The following ADGRV1 variants were observed in gnomAD, a reference collection of about 807,000 sequenced individuals.
The protein encoded by ADGRV1 is G-protein coupled receptor 98.
ADGRV1 carries 359 observed loss-of-function variants against 596.2 expected under a neutral mutation model. That is an observed-to-expected ratio of 0.60 (90% CI 0.55 to 0.66). The LOEUF (loss-of-function observed/expected upper bound fraction) is 0.66. Among genes scored for constraint, ADGRV1 ranks in the 30% least tolerant of loss-of-function variants. ADGRV1 has a pLI of 0.00. For missense variants in ADGRV1, 7,274 were observed against 7,575.6 expected, an observed-to-expected ratio of 0.96 and a Z score of 1.48; for synonymous variants, 2,681 against 2,679.2, an observed-to-expected ratio of 1.00 and a Z score of -0.02.
chr5:90,678,702 T>C (rs2149564302), intron 25 of ADGRV1, among the ~76,000 whole-genome samples: 1 of 150,042 alleles, frequency 6.7e-6, no homozygotes, highest in African/African-American at 2.5e-5. Context: ...CTGAACTTGC[T>C]TTTACAAGAA....
rs1746486392 is a variant in ADGRV1 at position 90,691,583 on chromosome 5, CA to C, written c.6951+543del. Among the ~76,000 whole-genome samples, 4 of 151,974 alleles carry C rather than the reference CA, an allele frequency of 2.6e-5. No homozygotes were observed. In the South Asian group the frequency reaches 8.3e-4, roughly 32 times the overall value. On this transcript the variant is annotated intron_variant, in intron 31 of 89. Coordinates refer to ENST00000405460, the MANE Select transcript of ADGRV1 (RefSeq NM_032119.4). ...TATTTTTAATAGAAACGGAGTTTCA[CA>C]GTGTTGGCTAGGCTGGTCTCGAACT...
intron 87 of ADGRV1, among the ~76,000 whole-genome samples, chr5:91,134,774 A>G (rs1202914245): frequency 6.6e-6 from 1 of 152,182 alleles, no homozygotes; most frequent in African/African-American, 2.4e-5. Flanking sequence ...ATTACAATCT[A>G]TATTAGACTA....
intron 57 of ADGRV1, among the ~76,000 whole-genome samples, chr5:90,758,229 C>T (rs888615462): frequency 4.0e-5 from 6 of 151,738 alleles, no homozygotes; most frequent in Admixed American, 6.6e-5. Context: ...GCTATTCCGG[C>T]GACTGAGGCA....
At chr5:90,946,459 T>A (rs533959833) in intron 83 of ADGRV1, among the ~76,000 whole-genome samples, 64 of 152,310 alleles carry the variant, frequency 4.2e-4, no homozygotes, top group Non-Finnish European at 3.1e-4. Flanking sequence ...GATTTTTTTT[T>A]AATTTAATTT....
intron 83 of ADGRV1, among the ~76,000 whole-genome samples, chr5:90,952,658 G>GT (rs1431388919): frequency 2.6e-5 from 4 of 152,138 alleles, no homozygotes; most frequent in Admixed American, 2.6e-4. Flanking sequence ...CAAATTTTCT[G>GT]TTTGGGACTT....
rs139849318 is a variant in ADGRV1, at chr5:90,567,542, T to C, written c.22+8625T>C. Among the ~76,000 whole-genome samples the C allele has an allele frequency of 6.0e-3, 910 of 152,236 alleles. 7 individuals carry two copies. The highest frequency in any genetic ancestry group is 9.5e-3 in the Non-Finnish European group (645 of 68,014). The stretch of plus-strand genomic sequence containing the variant: ...TTCTTTTTGAGTCAATTTTGGATGT[T>C]CGTATCTTCCTAGGGATTTGTTTAC... On this transcript the variant is annotated intron_variant, in intron 1 of 89. Transcript: ENST00000405460.
At chr5:91,081,005 A>C (rs1425774631) in intron 86 of ADGRV1, among the ~76,000 whole-genome samples, 2 of 152,130 alleles carry the variant, frequency 1.3e-5, no homozygotes, top group Non-Finnish European at 2.9e-5. Flanking sequence ...TCAGGCTGCC[A>C]TACAAAATAC....
At position 90,810,562 on chromosome 5, in the gene ADGRV1, G is replaced by A; in HGVS notation, c.15302G>A (p.Gly5101Glu). ...AACCTTACTTCAGTAGAAATTAGGGGATTACAAAAGTTTGATGTTAATTGG... is the reference window on the plus strand; with the variant it reads ...AACCTTACTTCAGTAGAAATTAGGGAATTACAAAAGTTTGATGTTAATTGG... ...YINLTSVEIRGLQKFDVNWSP... is the reference protein window; with the variant it reads ...YINLTSVEIRELQKFDVNWSP... Residue 5101 changes from glycine (G) to glutamate (E), a missense_variant, in exon 74 of 90, where the codon GGA becomes GAA. Physicochemically the swap from Gly to Glu is moderately conservative, Grantham distance 98. This residue lies in a region of ADGRV1 where 1,874 missense variants were observed against 1,970.2 expected (regional missense o/e 0.95). Transcript: ENST00000405460. The A allele has an allele frequency of 6.2e-7, 1 of 1,613,868 alleles. No homozygotes were observed. Among genetic ancestry groups the A allele is most frequent in the Non-Finnish European group, 8.5e-7 (1 of 1,179,808 alleles).
At position 90,913,520 on chromosome 5, in the gene ADGRV1, A is replaced by G. The variant is rs537799856; in HGVS notation, c.17856+49663A>G. Among the ~76,000 whole-genome samples the G allele has an allele frequency of 8.5e-5, 13 of 152,354 alleles. No homozygotes were observed. In the South Asian group the frequency reaches 2.7e-3, roughly 32 times the overall value. On this transcript the variant is annotated intron_variant, in intron 83 of 89. Transcript: ENST00000405460. ...TAGTTTTAGATTTAATGATTCATAT[A>G]CACATCACATTATAAAATGTCTTTT...
intron 83 of ADGRV1, among the ~76,000 whole-genome samples, chr5:90,913,198 T>A (rs1290496410): frequency 1.3e-5 from 2 of 152,168 alleles, no homozygotes; most frequent in Non-Finnish European, 2.9e-5. Context: ...GATTAGATAT[T>A]ACTGAGGGCA....
rs192353438 is a variant in ADGRV1 at position 90,867,297 on chromosome 5, T to C, written c.17856+3440T>C. 2.2e-3 allele frequency among the ~76,000 whole-genome samples: 330 copies of C among 152,308 alleles called. 2 individuals carry two copies. The highest frequency in any genetic ancestry group is 2.9e-3 in the Non-Finnish European group (200 of 67,998). Reference sequence around the variant, plus strand: ...TGTTTTTCTTCTCTATGGTTTGTTATTTGTACAGCATAAACACATTTTCTG... The same window carrying C: ...TGTTTTTCTTCTCTATGGTTTGTTACTTGTACAGCATAAACACATTTTCTG... On this transcript the variant is annotated intron_variant, in intron 83 of 89. Transcript: ENST00000405460.
chr5:91,094,195 C>T (rs373448978), intron 86 of ADGRV1, among the ~76,000 whole-genome samples: 1 of 152,038 alleles, frequency 6.6e-6, no homozygotes, highest in Non-Finnish European at 1.5e-5. Flanking sequence ...CACAGTGGCT[C>T]ACGCCTATAA....
intron 86 of ADGRV1, among the ~76,000 whole-genome samples, chr5:91,100,003 A>C (rs1791228658): frequency 1.3e-5 from 2 of 152,214 alleles, no homozygotes; most frequent in Non-Finnish European, 1.5e-5. Context: ...GGACTGGGGC[A>C]GAGAATATTT....
intron 85 of ADGRV1, among the ~76,000 whole-genome samples, chr5:91,035,610 C>G (rs1282673462): frequency 6.6e-6 from 1 of 151,456 alleles, no homozygotes; most frequent in Non-Finnish European, 1.5e-5. Flanking sequence ...CAAAAGGAAT[C>G]TAAAAATATC....
chr5:90,841,943 T>C (rs1765470040), intron 78 of ADGRV1, among the ~76,000 whole-genome samples: 1 of 152,176 alleles, frequency 6.6e-6, no homozygotes, highest in African/African-American at 2.4e-5. Context: ...AGGGAAGCGA[T>C]TGCTATTTCA....
At chr5:90,723,271 T>G (rs1196532488) in intron 45 of ADGRV1, among the ~76,000 whole-genome samples, 6 of 152,042 alleles carry the variant, frequency 3.9e-5, no homozygotes, top group African/African-American at 1.4e-4. Context: ...GTCGGAGGTT[T>G]TTTGCATGTT....
intron 85 of ADGRV1, among the ~76,000 whole-genome samples, chr5:91,030,544 T>G (rs532756870): frequency 5.4e-5 from 8 of 148,592 alleles, no homozygotes; most frequent in Non-Finnish European, 1.0e-4. Context: ...TTTTCTATTT[T>G]TATTGAGTCA....
At chr5:90,819,820 A>C (rs1157011737) in intron 75 of ADGRV1, among the ~76,000 whole-genome samples, 1 of 152,076 alleles carries the variant, frequency 6.6e-6, no homozygotes, top group Non-Finnish European at 1.5e-5. Flanking sequence ...TTTGCTGAGG[A>C]GAGCTTTACT....
At position 90,789,794 on chromosome 5, in the gene ADGRV1, G is replaced by C. The variant is rs754118768; in HGVS notation, c.13986G>C (p.Gly4662=). Residue 4662 remains glycine, a synonymous_variant, in exon 69 of 90, where the codon GGG becomes GGC. Coordinates refer to ENST00000405460, the MANE Select transcript of ADGRV1 (RefSeq NM_032119.4). ...ATTCAGAGCCTCTGGCTCTGGAAGG[G>C]CCCCTGCTCATTACCTTCTTTGTCA... ...KTYSEPLALE[G]PLLITFFVRR... 3 of 1,528,888 alleles carry C rather than the reference G, an allele frequency of 2.0e-6. No homozygotes were observed. Among genetic ancestry groups the C allele is most frequent in the East Asian group, 4.8e-5 (2 of 42,086 alleles). The allele number at this position is 1,528,888 out of a possible 1,614,324, so 94.7% of individuals were successfully genotyped here. A position where few individuals can be genotyped will look rare whatever the true frequency, so the allele number is the denominator to read the frequency against.
Sources: gnomAD v4.1 joint callset for allele counts (sites outside exome capture counted in the v4.1 genomes callset) on GRCh38, gnomAD v4.1.1 for gene constraint, gnomAD v4.1.1 regional missense constraint, MANE v1.5 for transcripts, NCBI Gene and HGNC (gene_info 2026-07-23, HGNC 2026-07-21) for gene names.